Variants in UNG observed in about 807,000 individuals in gnomAD.
UNG encodes uracil-DNA glycosylase.
Under a neutral mutation model 36.5 loss-of-function variants are expected in UNG, and 34 were observed. The observed-to-expected ratio is 0.93, with a 90% CI of 0.71 to 1.24. The LOEUF is 1.24. Ranked by LOEUF, UNG falls within the 50% of genes most tolerant of loss-of-function variation. The pLI, the probability that UNG is intolerant of heterozygous loss-of-function variation, is 0.00. For missense variants in UNG, 391 were observed against 397.6 expected (o/e 0.98, Z 0.14); for synonymous variants, 172 against 157.8 (o/e 1.09, Z -0.67).
At chr12:109,104,490 G>A (rs2042202438) in intron 6 of UNG, among the ~76,000 whole-genome samples, 1 of 152,112 alleles carries the variant, frequency 6.6e-6, no homozygotes, top group Non-Finnish European at 1.5e-5. Flanking sequence ...ACCTGGTTGT[G>A]GAAATCAGAG....
In UNG at chr12:109,097,630, G is replaced by T. The variant is rs370117219; in HGVS notation, c.-50G>T. The T allele has an allele frequency of 1.3e-5, 20 of 1,587,162 alleles. No homozygotes were observed. Among genetic ancestry groups the T allele is most frequent in the South Asian group, 1.0e-4 (9 of 87,818 alleles). On this transcript the variant is annotated 5_prime_UTR_variant, in exon 1 of 7. Transcript: ENST00000242576. ...ACCGCCACAGCCACAGCCAGGGCTA[G>T]CCTCGCCGGTTCCCGGGTGGCGCGC...
intron 1 of UNG, 171 bp downstream of exon 1, chr12:109,097,982 T>C (rs2042144356): frequency 8.0e-7 from 1 of 1,255,090 alleles, no homozygotes; most frequent in East Asian, 2.7e-5. Flanking sequence ...TGGGCCGCCA[T>C]GCTAAAGGGC....
rs962403782 is a variant in UNG at position 109,103,376 on chromosome 12, G to T, written c.623-57G>T. Reference sequence around the variant, plus strand: ...CATCATGGATTTAGCTCCTGTTGCTGGGTATTGGGCTGATTTGCCTGAGCC... The same window carrying T: ...CATCATGGATTTAGCTCCTGTTGCTTGGTATTGGGCTGATTTGCCTGAGCC... On this transcript the variant is annotated intron_variant, in intron 5 of 6. Transcript: ENST00000242576. 9 of 1,521,700 alleles carry T rather than the reference G, an allele frequency of 5.9e-6. No individual in the cohort carries two copies. The African/African-American group carries it at 1.1e-4, about 19-fold the overall frequency. 94.3% of individuals were successfully genotyped at this position (1,521,700 alleles called of 1,614,324 possible). A position where few individuals can be genotyped will look rare whatever the true frequency, so the allele number is the denominator to read the frequency against.
Position 109,110,026 on chromosome 12 carries a change from A to G in UNG, c.*57A>G, listed in dbSNP as rs746983511. 3.1e-6 allele frequency: 5 copies of G among 1,612,836 alleles called. No homozygotes were observed. Among genetic ancestry groups the G allele is most frequent in the Non-Finnish European group, 4.2e-6 (5 of 1,179,546 alleles). ...GCTGTTAACGTATTTGCCAGTTACG[A>G]AGTTCCACTGAAAATTTTCCTATTA... On this transcript the variant is annotated 3_prime_UTR_variant, in exon 7 of 7. Coordinates refer to ENST00000242576, the MANE Select transcript of UNG (RefSeq NM_080911.3).
At chr12:109,098,266 T>C in intron 1 of UNG, 166 bp from the exon 2 acceptor site, 1 of 1,523,804 alleles carries the variant, frequency 6.6e-7, no homozygotes, top group Non-Finnish European at 8.8e-7. Context: ...AATTCCCAAT[T>C]CCCGGACCGG....
intron 6 of UNG, among the ~76,000 whole-genome samples, chr12:109,109,482 G>GAAAAA (rs765992796): frequency 6.8e-6 from 1 of 147,106 alleles, no homozygotes. Context: ...TCCTTTTTGG[G>GAAAAA]GAAAAAAAAA....
At chr12:109,102,137 T>A in intron 4 of UNG, 138 bp downstream of exon 4, 1 of 775,740 alleles carries the variant, frequency 1.3e-6, no homozygotes, top group Non-Finnish European at 2.2e-6. Context: ...ACCATTGACA[T>A]TTGGGGCTGA....
chr12:109,100,839 T>C (rs2042170291), intron 3 of UNG, among the ~76,000 whole-genome samples: 1 of 152,158 alleles, frequency 6.6e-6, no homozygotes, highest in South Asian at 2.1e-4. Context: ...TTCTGAAAGA[T>C]AGAGTATGTC....
chr12:109,097,634 CGCCG>C lies in UNG; in HGVS notation c.-44_-41del. ...CCACAGCCACAGCCAGGGCTAGCCTCGCCGGTTCCCGGGTGGCGCGCGTTCGCTG... is the reference window on the plus strand; with the variant it reads ...CCACAGCCACAGCCAGGGCTAGCCTCGTTCCCGGGTGGCGCGCGTTCGCTG... On this transcript the variant is annotated 5_prime_UTR_variant, in exon 1 of 7. Transcript: ENST00000242576. The C allele has an allele frequency of 6.3e-7, 1 of 1,591,008 alleles. No individual in the cohort carries two copies.
intron 6 of UNG, among the ~76,000 whole-genome samples, chr12:109,108,170 C>T (rs138725359): frequency 6.6e-6 from 1 of 152,304 alleles, no homozygotes; most frequent in African/African-American, 2.4e-5. Flanking sequence ...GAATTGTATA[C>T]TAGGTTTTAG....
chr12:109,107,578 T>G (rs2042227777), intron 6 of UNG, among the ~76,000 whole-genome samples: 1 of 141,076 alleles, frequency 7.1e-6, no homozygotes, highest in African/African-American at 2.7e-5. Context: ...CAGGCTGGAG[T>G]GCAATGGCGT....
chr12:109,098,301 C>T (rs751672969), intron 1 of UNG, 131 bp from the exon 2 acceptor site: 1 of 1,583,812 alleles, frequency 6.3e-7, no homozygotes. Flanking sequence ...TCTTACTGTC[C>T]GCTTTTGCTG....
At position 109,103,423 on chromosome 12, in the gene UNG, A is replaced by G. The variant is rs774484947; in HGVS notation, c.623-10A>G. 1.9e-6 allele frequency: 3 copies of G among 1,613,524 alleles called. No individual in the cohort carries two copies. The East Asian group carries it at 6.7e-5, about 36-fold the overall frequency. On this transcript the variant is annotated splice_polypyrimidine_tract_variant and intron_variant, in intron 5 of 6. Coordinates refer to ENST00000242576, the MANE Select transcript of UNG (RefSeq NM_080911.3). ...AGCCTACATTTAACCTGTTTCTCTC[A>G]TGTGTATAGGTGTTCTCCTTCTCAA...
intron 3 of UNG, among the ~76,000 whole-genome samples, 166 bp from the exon 4 acceptor site, chr12:109,101,736 A>C (rs2042178450): frequency 6.6e-6 from 1 of 152,198 alleles, no homozygotes; most frequent in East Asian, 1.9e-4. Flanking sequence ...AGCTAGGTAC[A>C]TATCTTTACA....
At chr12:109,100,369 C>T (rs570500914) in intron 3 of UNG, among the ~76,000 whole-genome samples, 32 of 152,314 alleles carry the variant, frequency 2.1e-4, no homozygotes, top group African/African-American at 7.5e-4. Flanking sequence ...TTTTCCTCCC[C>T]CGTTTTGTAA....
At chr12:109,098,242 C>T (rs1465457580) in intron 1 of UNG, 190 bp from the exon 2 acceptor site, 4 of 1,496,542 alleles carry the variant, frequency 2.7e-6, no homozygotes, top group Non-Finnish European at 3.5e-6. Context: ...TCTCCCCGCT[C>T]CAGTTTAGAA....
chr12:109,105,517 C>G (rs924667467), intron 6 of UNG, among the ~76,000 whole-genome samples: 12 of 152,236 alleles, frequency 7.9e-5, no homozygotes, highest in African/African-American at 2.9e-4. Flanking sequence ...AGTGTCTCTT[C>G]TGATCTATAG....
intron 6 of UNG, among the ~76,000 whole-genome samples, chr12:109,106,142 G>A (rs1219645719): frequency 6.6e-6 from 1 of 152,186 alleles, no homozygotes; most frequent in Non-Finnish European, 1.5e-5. Flanking sequence ...AGCATTTGGT[G>A]TGCATGACTT....
At chr12:109,102,072 G>GCCCCAGATAGTCCCACTT in intron 4 of UNG, 73 bp downstream of exon 4, 1 of 1,337,888 alleles carries the variant, frequency 7.5e-7, no homozygotes, top group Non-Finnish European at 1.1e-6. Flanking sequence ...TATTACAAGT[G>GCCCCAGATAGTCCCACTT]GGACTATCTG....
Sources: gnomAD v4.1 joint callset for allele counts (sites outside exome capture counted in the v4.1 genomes callset) on GRCh38, gnomAD v4.1.1 for gene constraint, MANE v1.5 for transcripts, NCBI Gene and HGNC (gene_info 2026-07-23, HGNC 2026-07-21) for gene names.